Variants in ABR observed in about 807,000 individuals in gnomAD.
ABR encodes ABR activator of RhoGEF and GTPase.
A neutral mutation model predicts 107.2 loss-of-function variants in ABR; 35 were observed. The observed-to-expected ratio is 0.33, with a 90% CI of 0.25 to 0.43. The LOEUF is 0.43. Among genes scored for constraint, ABR ranks in the 20% least tolerant of loss-of-function variants. ABR has a pLI of 1.00. For synonymous variants in ABR, 498 were observed against 462.0 expected, an observed-to-expected ratio of 1.08 and a Z score of -1.00; for missense variants, 815 against 1,115.2, an observed-to-expected ratio of 0.73 and a Z score of 3.83.
rs373292550 is a variant in ABR at position 1,166,361 on chromosome 17, G to A, written c.61+13306C>T. 3.9e-4 allele frequency among the ~76,000 whole-genome samples: 59 copies of A among 152,200 alleles called. No individual in the cohort carries two copies. In the East Asian group the frequency reaches 0.01, roughly 26 times the overall value. ...GATACTCAAGCAGGTGACATTCAGC[G>A]TCCTCTTCACCTGGCTGAGAAAGAC... On this transcript the variant is annotated intron_variant, in intron 1 of 22. Coordinates refer to ENST00000302538, the MANE Select transcript of ABR (RefSeq NM_021962.5).
intron 2 of ABR, among the ~76,000 whole-genome samples, chr17:1,103,894 T>C (rs986130291): frequency 2.6e-5 from 4 of 152,168 alleles, no homozygotes; most frequent in Non-Finnish European, 5.9e-5. Context: ...CCAGCTTTCC[T>C]CAGACTCCAC....
chr17:1,049,858 C>A, intron 16 of ABR, 192 bp downstream of exon 16: 1 of 698,648 alleles, frequency 1.4e-6, no homozygotes, highest in Non-Finnish European at 2.4e-6. Context: ...GAGCCACGCA[C>A]ACGCCTGGGC....
chr17:1,208,296 G>A (rs1388878881), intron 1 of ABR, among the ~76,000 whole-genome samples: 1 of 152,328 alleles, frequency 6.6e-6, no homozygotes, highest in South Asian at 2.1e-4. Flanking sequence ...TGACCCGAAG[G>A]AACTAGGTGT....
chr17:1,099,914 G>A (rs2037748496), intron 3 of ABR, among the ~76,000 whole-genome samples: 1 of 152,096 alleles, frequency 6.6e-6, no homozygotes, highest in South Asian at 2.1e-4. Flanking sequence ...GATCACCTGA[G>A]GTCAGGAGTT....
intron 1 of ABR, among the ~76,000 whole-genome samples, chr17:1,225,273 C>T (rs957210476): frequency 6.6e-6 from 1 of 152,072 alleles, no homozygotes; most frequent in Non-Finnish European, 1.5e-5. Flanking sequence ...GCTAGAATTA[C>T]AGGTGTGAGC....
intron 16 of ABR, among the ~76,000 whole-genome samples, chr17:1,040,127 A>G (rs2030097227): frequency 6.6e-6 from 1 of 152,154 alleles, no homozygotes; most frequent in South Asian, 2.1e-4. Context: ...GAGGGGTCCC[A>G]GTACCACTAT....
chr17:1,012,858 CA>C lies in ABR; in HGVS notation c.1852-62del, dbSNP rs2070743646. The C allele has an allele frequency of 1.7e-5, 24 of 1,402,448 alleles. No homozygotes were observed. The Admixed American group carries it at 3.1e-4, about 18-fold the overall frequency. The allele number at this position is 1,402,448 out of a possible 1,614,324, so 86.9% of individuals were successfully genotyped here. On this transcript the variant is annotated intron_variant, in intron 17 of 22. Coordinates refer to ENST00000302538, the MANE Select transcript of ABR (RefSeq NM_021962.5). The stretch of plus-strand genomic sequence containing the variant: ...GGTGTGAGTGCCCGAGGAATGCCCC[CA>C]AAACACAGGGGTCCCCTCCCCAAGA...
rs1567691523 is a variant in ABR, at chr17:1,067,178, C to T, written c.1081G>A (p.Glu361Lys). 5.6e-6 allele frequency: 9 copies of T among 1,613,318 alleles called. No homozygotes were observed. Among genetic ancestry groups the T allele is most frequent in the Admixed American group, 1.7e-5 (1 of 59,876 alleles). The change falls in exon 10 of 23, where the codon GAG becomes AAG. Residue 361 changes from glutamate (E) to lysine (K), a missense_variant. Glu to Lys is a moderately conservative substitution (Grantham distance 56). Coordinates refer to ENST00000302538, the MANE Select transcript of ABR (RefSeq NM_021962.5). ...ACCTGGGGGCTGGCCTCAGACTCCT[C>T]GGGGGATGGAAACACCAGGTCGGCC... is the stretch of plus-strand genomic sequence containing the variant. ...PLADLVFPSP[E>K]ESEASPQVHP...
rs181671011 is a variant in ABR, at chr17:1,054,896, G to T, written c.1561+1139C>A. Among the ~76,000 whole-genome samples, 43 of 152,288 alleles carry T rather than the reference G, an allele frequency of 2.8e-4. No individual in the cohort carries two copies. In the East Asian group the frequency reaches 8.1e-3, roughly 29 times the overall value. On this transcript the variant is annotated intron_variant, in intron 14 of 22. Transcript: ENST00000302538. ...GGAGGGGTGAGGGCAGACCCCACCT[G>T]CCAGTGAAGAGCAGGGAGTGGGAGG... is the stretch of plus-strand genomic sequence containing the variant.
In ABR at chr17:1,104,458, C is replaced by A. The variant is rs140974290; in HGVS notation, c.247-3723G>T. Reference sequence around the variant, plus strand: ...ACAAGCAGGGCTGGCTCTCTGGCTGCGACTCAAGGCTATAGGGCATGCAGC... The same window carrying A: ...ACAAGCAGGGCTGGCTCTCTGGCTGAGACTCAAGGCTATAGGGCATGCAGC... On this transcript the variant is annotated intron_variant, in intron 2 of 22. Coordinates refer to ENST00000302538, the MANE Select transcript of ABR (RefSeq NM_021962.5). 4.6e-3 allele frequency among the ~76,000 whole-genome samples: 695 copies of A among 152,274 alleles called. 2 individuals carry two copies. The highest frequency in any genetic ancestry group is 0.017 in the Middle Eastern group (5 of 294).
Position 1,010,707 on chromosome 17 carries a change from C to G in ABR, c.2236+22G>C, listed in dbSNP as rs981693272. On this transcript the variant is annotated intron_variant, in intron 20 of 22. Coordinates refer to ENST00000302538, the MANE Select transcript of ABR (RefSeq NM_021962.5). This position sits in a 1 kb window ranked among gnomAD's most constrained non-coding sequence, Gnocchi z 4.1. ...TGGCTCAGTCTGGCCCAGCCCAGTC[C>G]TAGGAGCCCTCAGGGCCTCACCGAT... The G allele has an allele frequency of 1.2e-6, 2 of 1,612,474 alleles. No individual in the cohort carries two copies. Among genetic ancestry groups the G allele is most frequent in the African/African-American group, 1.3e-5 (1 of 75,034 alleles).
chr17:1,203,368 G>A (rs1347010643), intron 1 of ABR, among the ~76,000 whole-genome samples: 2 of 127,200 alleles, frequency 1.6e-5, no homozygotes, highest in African/African-American at 5.8e-5. Flanking sequence ...GCGGTCCCCC[G>A]TGGGGGCGGG....
At chr17:1,152,447 C>T (rs538435762) in intron 1 of ABR, among the ~76,000 whole-genome samples, 4 of 151,124 alleles carry the variant, frequency 2.6e-5, no homozygotes, top group African/African-American at 9.7e-5. Context: ...AAAAATTAGC[C>T]GGGCGTGGTG....
intron 1 of ABR, among the ~76,000 whole-genome samples, chr17:1,164,137 G>A (rs1253463060): frequency 1.0e-5 from 1 of 96,114 alleles, no homozygotes; most frequent in South Asian, 4.6e-4. Flanking sequence ...CATGGATGTC[G>A]GAGCATCCAG....
chr17:1,074,367 C>T (rs2035527317), intron 6 of ABR, among the ~76,000 whole-genome samples: 1 of 150,606 alleles, frequency 6.6e-6, no homozygotes, highest in Middle Eastern at 3.2e-3. Flanking sequence ...CAGCTCCACC[C>T]AGCCACGCCC....
At chr17:1,098,277 C>T (rs879563135) in intron 3 of ABR, among the ~76,000 whole-genome samples, 6 of 152,006 alleles carry the variant, frequency 3.9e-5, no homozygotes, top group Non-Finnish European at 7.4e-5. Context: ...GGGGTTTCAC[C>T]GTGTTGGCCA....
At chr17:1,184,420 A>G (rs1193623014), upstream of ABR, among the ~76,000 whole-genome samples, 3 of 152,050 alleles carry the variant, frequency 2.0e-5, no homozygotes, top group African/African-American at 7.2e-5. Context: ...ACGCCACTGC[A>G]CTCCAGCCTG....
chr17:1,073,560 A>G, intron 7 of ABR, 65 bp downstream of exon 7: 2 of 1,328,834 alleles, frequency 1.5e-6, no homozygotes, highest in South Asian at 1.6e-5. Flanking sequence ...GCACCCTCTC[A>G]CCCAGGCTCA....
Position 1,058,037 on chromosome 17 carries a change from C to G in ABR, c.1314G>C (p.Leu438=). 2 of 1,611,024 alleles carry G rather than the reference C, an allele frequency of 1.2e-6. No individual in the cohort carries two copies. The highest frequency in any genetic ancestry group is 1.7e-6 in the Non-Finnish European group (2 of 1,178,218). ...RIHNRNGKSY[L]FLLSSDYERS... Reference sequence around the variant, plus strand: ...TCTCGTAGTCCGAGGACAGTAGGAACAGGTAACTCTGAAGAGAGGAGATAA... The same window carrying G: ...TCTCGTAGTCCGAGGACAGTAGGAAGAGGTAACTCTGAAGAGAGGAGATAA... The change falls in exon 12 of 23, where the codon CTG becomes CTC. Residue 438 remains leucine (L), a synonymous_variant. Transcript: ENST00000302538.
Sources: gnomAD v4.1 joint callset for allele counts (sites outside exome capture counted in the v4.1 genomes callset) on GRCh38, gnomAD v4.1.1 for gene constraint, Gnocchi (gnomAD v3.1) non-coding constraint, MANE v1.5 for transcripts, NCBI Gene and HGNC (gene_info 2026-07-23, HGNC 2026-07-21) for gene names.